Variants in NRK observed in about 807,000 individuals in gnomAD.
NRK encodes Nik related kinase, also known as nik-related protein kinase.
Under a neutral mutation model 125.2 loss-of-function variants are expected in NRK, and 67 were observed. The ratio of observed to expected loss-of-function variants is 0.54; its 90% CI spans 0.44 to 0.66. The LOEUF (loss-of-function observed/expected upper bound fraction) is 0.66. Among genes scored for constraint, NRK ranks in the 30% least tolerant of loss-of-function variants. The pLI is 0.00. For synonymous variants in NRK, 458 were observed against 429.0 expected (o/e 1.07, Z -0.84); for missense variants, 1,224 against 1,192.9 (o/e 1.03, Z -0.38).
rs1360410935 is a variant in NRK at position 105,956,577 on chromosome X, GA to G, written c.*983del. On this transcript the variant is annotated 3_prime_UTR_variant, in exon 29 of 29. Coordinates refer to ENST00000243300, the MANE Select transcript of NRK (RefSeq NM_198465.4). ...AACAAAAAGAATTAAACATAACTAT[GA>G]AAAAACTTTGCTAATATCTGTGTTT... 1 of 111,652 alleles carries G rather than the reference GA, an allele frequency of 9.0e-6. No individual in the cohort carries two copies. The highest frequency in any genetic ancestry group is 1.9e-5 in the Non-Finnish European group (1 of 53,073). 9.2% of individuals were successfully genotyped at this position (111,652 alleles called of 1,213,427 possible). A position where few individuals can be genotyped will look rare whatever the true frequency, so the allele number is the denominator to read the frequency against.
chrX:105,836,196 T>C lies in NRK; in HGVS notation c.123+5077T>C, dbSNP rs6622013. 2.0e-4 allele frequency among the ~76,000 whole-genome samples: 22 copies of C among 111,807 alleles called. No individual in the cohort carries two copies. The East Asian group carries it at 5.9e-3, about 30-fold the overall frequency. On this transcript the variant is annotated intron_variant, in intron 2 of 28. Coordinates refer to ENST00000243300, the MANE Select transcript of NRK (RefSeq NM_198465.4). ...GCTAGATTATTCAGCTTATTCTTGT[T>C]GTTAGGGTGGATGTGGCACACTTTC... is the stretch of plus-strand genomic sequence containing the variant.
At chrX:105,955,420 G>T (rs2040963070) in intron 28 of NRK, 85 bp from the exon 29 acceptor site, 1 of 517,809 alleles carries the variant, frequency 1.9e-6, no homozygotes. Context: ...TTAATTAGCA[G>T]ATGCAGATAA....
intron 19 of NRK, among the ~76,000 whole-genome samples, chrX:105,930,999 T>C (rs911413810): frequency 8.9e-6 from 1 of 112,138 alleles, no homozygotes; most frequent in Non-Finnish European, 1.9e-5. Flanking sequence ...TGTTGAGCTA[T>C]CAGACTACTT....
chrX:105,826,077 T>A lies in NRK; in HGVS notation c.57+3175T>A, dbSNP rs1336114978. On this transcript the variant is annotated intron_variant, in intron 1 of 28. Coordinates refer to ENST00000243300, the MANE Select transcript of NRK (RefSeq NM_198465.4). ...CTCTCTATATATATATATATACACA[T>A]ACACACACACACATATATACATATA... is the stretch of plus-strand genomic sequence containing the variant. Among the ~76,000 whole-genome samples, 5 of 96,582 alleles carry A rather than the reference T, an allele frequency of 5.2e-5. No individual in the cohort carries two copies. The South Asian group carries it at 2.4e-3, about 46-fold the overall frequency. The allele number at this position is 96,582 out of a possible 115,157, so 83.9% of individuals were successfully genotyped here.
chrX:105,835,306 G>T (rs891451790), intron 2 of NRK, among the ~76,000 whole-genome samples: 1 of 111,152 alleles, frequency 9.0e-6, no homozygotes, highest in Non-Finnish European at 1.9e-5. Flanking sequence ...GTCTTCTGGA[G>T]AGTTTTTCTT....
chrX:105,926,883 GT>G (rs2040530800), intron 19 of NRK, among the ~76,000 whole-genome samples: 3 of 111,038 alleles, frequency 2.7e-5, no homozygotes, highest in Admixed American at 1.9e-4. Flanking sequence ...GGTTGCTGTA[GT>G]TTTGTAGTAT....
intron 1 of NRK, among the ~76,000 whole-genome samples, chrX:105,824,890 A>T (rs776360797): frequency 5.4e-5 from 6 of 111,586 alleles, no homozygotes; most frequent in Non-Finnish European, 1.1e-4. Flanking sequence ...ACTTAATGAA[A>T]GTCTCATAAA....
chrX:105,953,677 G>A (rs1419650475), intron 28 of NRK, among the ~76,000 whole-genome samples: 1 of 111,597 alleles, frequency 9.0e-6, no homozygotes, highest in Non-Finnish European at 1.9e-5. Flanking sequence ...GTGTTATGAT[G>A]TTTATTTTGC....
intron 28 of NRK, among the ~76,000 whole-genome samples, chrX:105,953,454 G>A (rs188985613): frequency 3.0e-4 from 34 of 111,778 alleles, no homozygotes; most frequent in Admixed American, 1.5e-3. Flanking sequence ...TATTTGGTTC[G>A]AAATCCTTTA....
rs1185448733 is a variant in NRK, at chrX:105,956,789, T to C, written c.*1189T>C. The C allele has an allele frequency of 8.9e-6, 1 of 111,879 alleles. No individual in the cohort carries two copies. Among genetic ancestry groups the C allele is most frequent in the Admixed American group, 9.5e-5 (1 of 10,480 alleles). The allele number at this position is 111,879 out of a possible 1,213,427, so 9.2% of individuals were successfully genotyped here. ...GCTAGTCCATCACCCAAATATGTTA[T>C]AGACGCCATAGACAGGTGATGTTTG... On this transcript the variant is annotated 3_prime_UTR_variant, in exon 29 of 29. Coordinates refer to ENST00000243300, the MANE Select transcript of NRK (RefSeq NM_198465.4).
Position 105,942,824 on chromosome X carries a change from C to T in NRK, c.3959-1117C>T, listed in dbSNP as rs573904468. On this transcript the variant is annotated intron_variant, in intron 23 of 28. Coordinates refer to ENST00000243300, the MANE Select transcript of NRK (RefSeq NM_198465.4). ...TTTTTTAGTAGAGATGGGGTTTCACCATGTTGGCCAGGCTGGTATCGAACT... is the reference window on the plus strand; with the variant it reads ...TTTTTTAGTAGAGATGGGGTTTCACTATGTTGGCCAGGCTGGTATCGAACT... Among the ~76,000 whole-genome samples the T allele has an allele frequency of 1.7e-4, 19 of 110,243 alleles. No homozygotes were observed. In the South Asian group the frequency reaches 7.0e-3, roughly 41 times the overall value.
intron 2 of NRK, among the ~76,000 whole-genome samples, chrX:105,878,848 T>G (rs1263348051): frequency 9.0e-6 from 1 of 111,699 alleles, no homozygotes; most frequent in East Asian, 2.8e-4. Context: ...CCGTCTTTCC[T>G]GCCTTGTGTA....
intron 7 of NRK, 84 bp downstream of exon 7, chrX:105,895,607 C>A: frequency 1.6e-6 from 1 of 624,668 alleles, no homozygotes; most frequent in Non-Finnish European, 2.6e-6. Flanking sequence ...TCTATCATGT[C>A]CCTGCCAATA....
intron 9 of NRK, among the ~76,000 whole-genome samples, chrX:105,902,552 G>T (rs1336302871): frequency 1.8e-5 from 2 of 111,816 alleles, no homozygotes; most frequent in African/African-American, 6.5e-5. Flanking sequence ...GTCTTCCTTT[G>T]GTGAGTCTTT....
At chrX:105,874,858 CT>C (rs2039793445) in intron 2 of NRK, among the ~76,000 whole-genome samples, 1 of 111,582 alleles carries the variant, frequency 9.0e-6, no homozygotes, top group Non-Finnish European at 1.9e-5. Flanking sequence ...AACACAAATC[CT>C]TGCCAAACTG....
At chrX:105,879,605 A>C (rs1481026594) in intron 2 of NRK, among the ~76,000 whole-genome samples, 1 of 111,210 alleles carries the variant, frequency 9.0e-6, no homozygotes, top group African/African-American at 3.3e-5. Context: ...GGTTCATATG[A>C]TTCAGGACAT....
intron 2 of NRK, among the ~76,000 whole-genome samples, chrX:105,851,990 A>G (rs948506860): frequency 1.8e-5 from 2 of 112,206 alleles, no homozygotes; most frequent in African/African-American, 6.5e-5. Flanking sequence ...CATTCAGTGA[A>G]GAGAAAGCAC....
chrX:105,946,777 C>A (rs1291447433), intron 26 of NRK, among the ~76,000 whole-genome samples: 2 of 111,602 alleles, frequency 1.8e-5, no homozygotes, highest in Non-Finnish European at 3.8e-5. Context: ...GACCAGATAG[C>A]ATCAGTGCCA....
intron 23 of NRK, among the ~76,000 whole-genome samples, chrX:105,941,701 A>G (rs1332273201): frequency 1.8e-5 from 2 of 111,131 alleles, no homozygotes; most frequent in East Asian, 2.8e-4. Context: ...AGGGCTAATC[A>G]AGAGCAAGCA....
Sources: gnomAD v4.1 joint callset for allele counts (sites outside exome capture counted in the v4.1 genomes callset) on GRCh38, gnomAD v4.1.1 for gene constraint, MANE v1.5 for transcripts, NCBI Gene and HGNC (gene_info 2026-07-23, HGNC 2026-07-21) for gene names.